Variants in SACS observed in about 807,000 individuals in gnomAD.
SACS encodes the protein sacsin.
Under a neutral mutation model 348.0 loss-of-function variants are expected in SACS, and 197 were observed. That is an observed-to-expected ratio of 0.57 (90% CI 0.50 to 0.64). The LOEUF is 0.64. SACS is among the 30% of genes least tolerant of loss of function. The pLI, the probability that SACS is intolerant of heterozygous loss-of-function variation, is 0.00. For missense variants in SACS, 4,999 were observed against 5,360.8 expected, an observed-to-expected ratio of 0.93 and a Z score of 2.11; for synonymous variants, 1,985 against 1,910.6, an observed-to-expected ratio of 1.04 and a Z score of -1.02.
intron 2 of SACS, among the ~76,000 whole-genome samples, chr13:23,408,259 T>C (rs930200848): frequency 6.6e-6 from 1 of 152,040 alleles, no homozygotes; most frequent in African/African-American, 2.4e-5. Context: ...ACACTGTAAC[T>C]AGAGCTGTTT....
chr13:23,419,759 G>A (rs760569669), intron 1 of SACS, among the ~76,000 whole-genome samples: 10 of 152,172 alleles, frequency 6.6e-5, no homozygotes, highest in Admixed American at 2.6e-4. Context: ...ATTCTGTTGC[G>A]AGTTCCTTAT....
At chr13:23,358,721 TA>T (rs1434234597) in intron 6 of SACS, among the ~76,000 whole-genome samples, 1 of 152,034 alleles carries the variant, frequency 6.6e-6, no homozygotes, top group East Asian at 1.9e-4. Context: ...AAGGAAAAAT[TA>T]AAGGTTACTC....
intron 1 of SACS, among the ~76,000 whole-genome samples, chr13:23,417,843 C>T (rs1873746406): frequency 6.6e-6 from 1 of 152,016 alleles, no homozygotes; most frequent in East Asian, 1.9e-4. Flanking sequence ...CTGAGGCAGG[C>T]GGAACCCCTG....
intron 1 of SACS, chr13:23,427,188 T>C (rs1212759276): frequency 6.6e-6 from 1 of 152,174 alleles, no homozygotes; most frequent in Non-Finnish European, 1.5e-5. Flanking sequence ...CTGCAGACGG[T>C]TTTTGCAAAT....
chr13:23,373,757 C>G (rs2137830244), intron 3 of SACS: 1 of 132,848 alleles, frequency 7.5e-6, no homozygotes, highest in South Asian at 2.3e-4. Flanking sequence ...CCGAGTGTTG[C>G]AGGCACTCCA....
chr13:23,341,192 A>G lies in SACS; in HGVS notation c.2684T>C (p.Leu895Pro), dbSNP rs1332729280. The change falls in exon 10 of 10, where the codon CTA (leucine) becomes CCA (proline). Residue 895 changes from leucine to proline, a missense_variant. Coordinates refer to ENST00000382292, the MANE Select transcript of SACS (RefSeq NM_014363.6). ...LQKLCNQITSLLPTHKDALRK... is the reference protein window; with the variant it reads ...LQKLCNQITSPLPTHKDALRK... ...CAGGGCATCTTTGTGTGTTGGAAGTAGCGAAGTTATTTGATTACACAATTT... is the reference window on the plus strand; with the variant it reads ...CAGGGCATCTTTGTGTGTTGGAAGTGGCGAAGTTATTTGATTACACAATTT... 1 of 1,613,716 alleles carries G rather than the reference A, an allele frequency of 6.2e-7. No homozygotes were observed. Among genetic ancestry groups the G allele is most frequent in the Non-Finnish European group, 8.5e-7 (1 of 1,180,040 alleles).
intron 7 of SACS, 37 bp downstream of exon 7, chr13:23,358,298 T>C: frequency 6.2e-7 from 1 of 1,600,406 alleles, no homozygotes; most frequent in Non-Finnish European, 8.6e-7. Context: ...AGATATAATA[T>C]TTTCTAATAC....
At chr13:23,385,796 A>T (rs1194968280) in intron 2 of SACS, among the ~76,000 whole-genome samples, 2 of 152,208 alleles carry the variant, frequency 1.3e-5, no homozygotes, top group Non-Finnish European at 2.9e-5. Flanking sequence ...AAATAATAAG[A>T]CTTGAAAGTC....
rs1444169695 is a variant in SACS, at chr13:23,329,948, GTT to G, written c.*186_*187del. ...GCAGCTCACCACCATCTTCAAAATA[GTT>G]TTCTTTTAGATTCAGTTAAGGTTTT... On this transcript the variant is annotated 3_prime_UTR_variant, in exon 10 of 10. Coordinates refer to ENST00000382292, the MANE Select transcript of SACS (RefSeq NM_014363.6). 3.2e-6 allele frequency: 2 copies of G among 615,804 alleles called. No homozygotes were observed. Among genetic ancestry groups the G allele is most frequent in the South Asian group, 2.0e-5 (1 of 50,102 alleles). 38.1% of individuals were successfully genotyped at this position (615,804 alleles called of 1,614,324 possible).
At chr13:23,373,136 T>A (rs949134169) in intron 3 of SACS, among the ~76,000 whole-genome samples, 1 of 151,966 alleles carries the variant, frequency 6.6e-6, no homozygotes, top group East Asian at 1.9e-4. Context: ...GATGATCAAG[T>A]AGAACCAGAG....
chr13:23,380,823 C>T (rs1872023466), intron 2 of SACS, among the ~76,000 whole-genome samples: 1 of 152,158 alleles, frequency 6.6e-6, no homozygotes, highest in Admixed American at 6.6e-5. Context: ...GAGATTTACC[C>T]TGAAGAAAAG....
At chr13:23,379,492 A>T (rs1871954852) in intron 2 of SACS, among the ~76,000 whole-genome samples, 1 of 152,132 alleles carries the variant, frequency 6.6e-6, no homozygotes, top group Admixed American at 6.5e-5. Flanking sequence ...TGAACACTCA[A>T]GGCCAGTGCT....
At chr13:23,413,077 A>T (rs1042311027) in intron 1 of SACS, among the ~76,000 whole-genome samples, 7 of 152,148 alleles carry the variant, frequency 4.6e-5, no homozygotes, top group Admixed American at 3.9e-4. Context: ...TCCCGGGTTC[A>T]ATCGATCCTC....
At position 23,339,257 on chromosome 13, in the gene SACS, C is replaced by T. The variant is rs1387147600; in HGVS notation, c.4619G>A (p.Arg1540Lys). 1.9e-6 allele frequency: 3 copies of T among 1,604,536 alleles called. No homozygotes were observed. The highest frequency in any genetic ancestry group is 2.3e-5 in the South Asian group (2 of 88,668). The change falls in exon 10 of 10, where the codon AGG becomes AAG. Residue 1540 changes from arginine (R) to lysine (K), a missense_variant. Around this residue, in one of 6 missense-constraint regions of SACS, gnomAD observed 3,156 missense variants for 3,380.1 expected, o/e 0.93. Coordinates refer to ENST00000382292, the MANE Select transcript of SACS (RefSeq NM_014363.6). The stretch of plus-strand genomic sequence containing the variant: ...TCCCCTTTTTAAAGATTCTCCTAAC[C>T]TAGTTATGTTCACAAAATCTGAATC... ...FSDSDFVNIT[R>K]LGESLKRGEV...
chr13:23,346,238 C>A (rs531295982), intron 9 of SACS, among the ~76,000 whole-genome samples: 125 of 152,276 alleles, frequency 8.2e-4, no homozygotes, highest in African/African-American at 2.9e-3. Context: ...CTCTGCCGCC[C>A]GGGTTCAAGC....
Position 23,391,630 on chromosome 13 carries a change from T to A in SACS, c.21-16361A>T, listed in dbSNP as rs552247410. ...CTAGTCCCTCGGGTCTAGAGGGTCA[T>A]GATGCCACAGCTACTACTTTCCCCA... On this transcript the variant is annotated intron_variant, in intron 2 of 9. Coordinates refer to ENST00000382292, the MANE Select transcript of SACS (RefSeq NM_014363.6). Among the ~76,000 whole-genome samples, 4 of 152,292 alleles carry A rather than the reference T, an allele frequency of 2.6e-5. No homozygotes were observed. The East Asian group carries it at 7.7e-4, about 29-fold the overall frequency.
chr13:23,351,181 A>G (rs1188823434), intron 9 of SACS, among the ~76,000 whole-genome samples: 1 of 152,200 alleles, frequency 6.6e-6, no homozygotes, highest in Admixed American at 6.5e-5. Context: ...GCCCTATATC[A>G]TCATGCTCTC....
At chr13:23,423,131 T>C (rs920525824) in intron 1 of SACS, among the ~76,000 whole-genome samples, 2 of 152,150 alleles carry the variant, frequency 1.3e-5, no homozygotes, top group African/African-American at 4.8e-5. Flanking sequence ...TGATTTGCTG[T>C]TTTATATCAA....
In SACS at chr13:23,358,396, C is replaced by G; in HGVS notation, c.543G>C (p.Lys181Asn). Residue 181 changes from lysine to asparagine, a missense_variant, in exon 7 of 10, where the codon AAG becomes AAC. By Grantham distance (94) the Lys-to-Asn change is moderately conservative (BLOSUM62 0). Around this residue, in one of 6 missense-constraint regions of SACS, gnomAD observed 3,156 missense variants for 3,380.1 expected, o/e 0.93. Coordinates refer to ENST00000382292, the MANE Select transcript of SACS (RefSeq NM_014363.6). Reference protein sequence around the residue: ...GIQEIARSRKKDDPLKVGRFG... With the variant: ...GIQEIARSRKNDDPLKVGRFG... ...ATCTTCCGACCTTCAGAGGATCATC[C>G]TTTTTCCTGCTTCTTGCTATTTCTT... 6.2e-7 allele frequency: 1 copy of G among 1,614,144 alleles called. No homozygotes were observed. The highest frequency in any genetic ancestry group is 8.5e-7 in the Non-Finnish European group (1 of 1,180,008).
Sources: allele counts gnomAD v4.1 joint callset (sites outside exome capture counted in the v4.1 genomes callset), GRCh38; gene constraint gnomAD v4.1.1; regional missense constraint gnomAD v4.1.1; transcripts MANE v1.5; gene names NCBI Gene and HGNC (gene_info 2026-07-23, HGNC 2026-07-21).